SCN1A: variants seen among roughly 807,000 people sequenced by gnomAD.
SCN1A encodes the protein sodium voltage-gated channel alpha subunit 1.
SCN1A carries 13 observed loss-of-function variants against 193.7 expected under a neutral mutation model. The observed-to-expected ratio is 0.07, with a 90% CI of 0.04 to 0.11. The LOEUF (loss-of-function observed/expected upper bound fraction) is 0.11. Ranked by LOEUF, SCN1A falls within the 10% of genes least tolerant of loss-of-function variation. The probability of loss-of-function intolerance (pLI) is 1.00; values close to 1 mark genes in which losing one functional copy is unlikely to be tolerated. For missense variants in SCN1A, 1,432 were observed against 2,451.1 expected (o/e 0.58, Z 8.78); for synonymous variants, 781 against 843.6 (o/e 0.93, Z 1.29).
Position 166,046,980 on chromosome 2 carries a change from C to T in SCN1A, c.1171-4G>A, listed in dbSNP as rs775046490. 6.2e-6 allele frequency: 10 copies of T among 1,612,890 alleles called. No individual in the cohort carries two copies. The South Asian group carries it at 9.9e-5, about 16-fold the overall frequency. On this transcript the variant is annotated splice_polypyrimidine_tract_variant and splice_region_variant and intron_variant, in intron 11 of 28. Transcript: ENST00000674923. ...TTTTCCCAGCAGCACGTAATGTCTG[C>T]AAACAAAAATATCAGAATTATTTCT...
At chr2:166,011,483 A>G (rs1446817125) in intron 22 of SCN1A, among the ~76,000 whole-genome samples, 1 of 147,204 alleles carries the variant, frequency 6.8e-6, no homozygotes, top group Non-Finnish European at 1.5e-5. Flanking sequence ...TCTAGTTTAC[A>G]TTCTAGGAAA....
intron 21 of SCN1A, among the ~76,000 whole-genome samples, chr2:166,012,612 C>CT (rs60890420): frequency 0.06 from 4,604 of 77,160 alleles, 372 homozygotes; most frequent in African/African-American, 0.16. Flanking sequence ...CTTCTATTGG[C>CT]TTTTTTTTTT....
intron 21 of SCN1A, among the ~76,000 whole-genome samples, chr2:166,013,330 T>C (rs1463331719): frequency 1.3e-5 from 2 of 151,482 alleles, no homozygotes; most frequent in Admixed American, 6.6e-5. Context: ...CCCTAAGGAC[T>C]TACTACTGTC....
chr2:166,027,791 T>A (rs1192283051), intron 19 of SCN1A, among the ~76,000 whole-genome samples: 7 of 152,140 alleles, frequency 4.6e-5, no homozygotes, highest in African/African-American at 7.2e-5. Flanking sequence ...TATTAATATT[T>A]CATTGTGTAC....
At chr2:166,004,733 C>A (rs1574016599) in intron 23 of SCN1A, among the ~76,000 whole-genome samples, 2 of 151,408 alleles carry the variant, frequency 1.3e-5, no homozygotes, top group African/African-American at 4.8e-5. Flanking sequence ...TAACCGTGTG[C>A]TAATATAATT....
chr2:166,094,650 G>A (rs498918), intron 2 of SCN1A, among the ~76,000 whole-genome samples: 56,658 of 151,956 alleles, frequency 0.37, 11,151 homozygotes, highest in African/African-American at 0.49. Context: ...CTTACTAGCA[G>A]TTTCATCTTC....
chr2:166,108,833 A>C (rs1449106704), intron 2 of SCN1A, among the ~76,000 whole-genome samples: 2 of 152,164 alleles, frequency 1.3e-5, no homozygotes, highest in Non-Finnish European at 2.9e-5. Context: ...GTGGGCATCA[A>C]GTTTCTTTTT....
At chr2:166,129,625 C>A (rs1157831017), upstream of SCN1A, among the ~76,000 whole-genome samples, 4 of 152,052 alleles carry the variant, frequency 2.6e-5, no homozygotes, top group South Asian at 2.1e-4. Flanking sequence ...AACTGGTAAA[C>A]GATTGCCAAG....
Position 166,035,910 on chromosome 2 carries a change from T to A in SCN1A, c.3429+138A>T, listed in dbSNP as rs188938069. The A allele has an allele frequency of 1.0e-3, 852 of 829,578 alleles. 1 individual carries two copies. Among genetic ancestry groups the A allele is most frequent in the Non-Finnish European group, 1.2e-3 (660 of 538,386 alleles). The allele number at this position is 829,578 out of a possible 1,614,324, so 51.4% of individuals were successfully genotyped here. A position where few individuals can be genotyped will look rare whatever the true frequency, so the allele number is the denominator to read the frequency against. On this transcript the variant is annotated intron_variant, in intron 19 of 28. Transcript: ENST00000674923. ...TAGAGCATGGTTTCTAGTGAATGGC[T>A]ATTGCTTTTGTATTATCATAAAGTA...
chr2:166,087,792 G>A (rs1686306438), intron 2 of SCN1A, among the ~76,000 whole-genome samples: 1 of 152,146 alleles, frequency 6.6e-6, no homozygotes, highest in Non-Finnish European at 1.5e-5. Flanking sequence ...CAAGGCACTG[G>A]TTAGAGATGT....
intron 3 of SCN1A, among the ~76,000 whole-genome samples, chr2:166,077,323 A>T (rs1685083877): frequency 6.6e-6 from 1 of 151,938 alleles, no homozygotes; most frequent in Non-Finnish European, 1.5e-5. Context: ...CTGATAAAGG[A>T]CTGTTACCCC....
At chr2:166,104,156 A>G (rs1333766266) in intron 2 of SCN1A, 1 of 152,236 alleles carries the variant, frequency 6.6e-6, no homozygotes, top group African/African-American at 2.4e-5. Flanking sequence ...ACATAAACAG[A>G]TTTGCCAATA....
intron 1 of SCN1A, among the ~76,000 whole-genome samples, chr2:166,145,261 T>A (rs1292121573): frequency 2.8e-5 from 4 of 145,358 alleles, no homozygotes; most frequent in Admixed American, 7.0e-5. Flanking sequence ...CTGGTCTCGA[T>A]CTCCTGACCT....
At chr2:166,141,439 C>A (rs977809418) in intron 1 of SCN1A, among the ~76,000 whole-genome samples, 1 of 151,950 alleles carries the variant, frequency 6.6e-6, no homozygotes, top group African/African-American at 2.4e-5. Flanking sequence ...CACTTGTAAT[C>A]CCAACAATTT....
At chr2:166,082,868 C>T (rs1347086405) in intron 2 of SCN1A, among the ~76,000 whole-genome samples, 1 of 152,044 alleles carries the variant, frequency 6.6e-6, no homozygotes, top group African/African-American at 2.4e-5. Context: ...AATATCCATA[C>T]TGAAGAGAAA....
In SCN1A at chr2:166,037,610, AGTTT is replaced by A. The variant is rs66463257; in HGVS notation, c.2946+162_2946+165del. ...AATGGACTTTTAAACCAATAATCATAGTTTGTTTTTCTTTTTGACAAAACAGTCA... is the reference window on the plus strand; with the variant it reads ...AATGGACTTTTAAACCAATAATCATAGTTTTTCTTTTTGACAAAACAGTCA... On this transcript the variant is annotated intron_variant, in intron 18 of 28. Transcript: ENST00000674923. 0.74 allele frequency among the ~76,000 whole-genome samples: 111,741 copies of A among 151,624 alleles called. 41,558 individuals are homozygous for A. The highest frequency in any genetic ancestry group is 0.89 in the East Asian group (4,589 of 5,152).
intron 23 of SCN1A, among the ~76,000 whole-genome samples, chr2:166,007,844 A>G (rs1212878809): frequency 6.6e-6 from 1 of 151,368 alleles, no homozygotes; most frequent in Non-Finnish European, 1.5e-5. Context: ...TTCAAATCTC[A>G]CTTCCCAATC....
chr2:166,057,599 A>G (rs896200345), intron 5 of SCN1A, among the ~76,000 whole-genome samples: 2 of 152,038 alleles, frequency 1.3e-5, no homozygotes, highest in African/African-American at 4.8e-5. Context: ...GGACAAGGAA[A>G]CTTCCCTAAG....
chr2:166,133,937 A>G (rs1057301197), intron 1 of SCN1A: 5 of 151,992 alleles, frequency 3.3e-5, no homozygotes, highest in Non-Finnish European at 7.4e-5. Flanking sequence ...TTTTTTTGTC[A>G]TTGTTCCCCA....
Sources: gnomAD v4.1 joint callset for allele counts (sites outside exome capture counted in the v4.1 genomes callset) on GRCh38, gnomAD v4.1.1 for gene constraint, MANE v1.5 for transcripts, NCBI Gene and HGNC (gene_info 2026-07-23, HGNC 2026-07-21) for gene names.